Variants in LRFN2 observed in about 807,000 individuals in gnomAD.
LRFN2 encodes leucine-rich repeat and fibronectin type-III domain-containing protein 2.
LRFN2 carries 18 observed loss-of-function variants against 37.3 expected under a neutral mutation model. That is an observed-to-expected ratio of 0.48 (90% CI 0.33 to 0.72). The LOEUF (loss-of-function observed/expected upper bound fraction) is 0.72. Among genes scored for constraint, LRFN2 ranks in the 30% least tolerant of loss-of-function variants. LRFN2 has a pLI of 0.02. For missense variants in LRFN2, 1,006 were observed against 1,060.7 expected, an observed-to-expected ratio of 0.95 and a Z score of 0.72; for synonymous variants, 556 against 466.6, an observed-to-expected ratio of 1.19 and a Z score of -2.47.
intron 2 of LRFN2, among the ~76,000 whole-genome samples, chr6:40,425,803 T>C (rs567864060): frequency 8.5e-5 from 13 of 152,360 alleles, no homozygotes; most frequent in Admixed American, 6.5e-4. Context: ...GCCAGGACTG[T>C]TAAATAATGA....
At position 40,431,825 on chromosome 6, in the gene LRFN2, T is replaced by G; in HGVS notation, c.1289A>C (p.Glu430Ala). Residue 430 changes from glutamate to alanine, a missense_variant, in exon 2 of 3, where the codon GAA becomes GCA. Physicochemically the swap from Glu to Ala is moderately radical, Grantham distance 107. This residue lies in a region of LRFN2 where 120 missense variants were observed against 178.4 expected (regional missense o/e 0.67). Transcript: ENST00000338305. ...GACCAGGGCCGAGGTGGTGGTCACT[T>G]CAGACACAAGCACAGCCCGTTCCGG... ...SPPERAVLVSEVTTTSALVKW... is the reference protein window; with the variant it reads ...SPPERAVLVSAVTTTSALVKW... 1 of 1,567,832 alleles carries G rather than the reference T, an allele frequency of 6.4e-7. No individual in the cohort carries two copies. Among genetic ancestry groups the G allele is most frequent in the South Asian group, 1.2e-5 (1 of 82,096 alleles).
intron 1 of LRFN2, among the ~76,000 whole-genome samples, chr6:40,550,462 G>C (rs1766754487): frequency 1.3e-5 from 2 of 152,206 alleles, no homozygotes; most frequent in South Asian, 4.2e-4. Context: ...ATCCAGTAGG[G>C]GGCATCCGTC....
chr6:40,469,387 C>CT (rs60853877), intron 1 of LRFN2, among the ~76,000 whole-genome samples: 24,597 of 152,040 alleles, frequency 0.16, 3,429 homozygotes, highest in African/African-American at 0.38. Context: ...TCCCAGAAAG[C>CT]GATCCAACCA....
intron 1 of LRFN2, among the ~76,000 whole-genome samples, chr6:40,450,169 C>T (rs1764072062): frequency 6.6e-6 from 1 of 152,162 alleles, no homozygotes; most frequent in Admixed American, 6.5e-5. Context: ...CCTCACCGGC[C>T]TCCTTACCCC....
At chr6:40,399,901 T>A (rs1028235846) in intron 2 of LRFN2, among the ~76,000 whole-genome samples, 1 of 151,898 alleles carries the variant, frequency 6.6e-6, no homozygotes, top group Non-Finnish European at 1.5e-5. Context: ...CAGCAGCACA[T>A]CTTGGCTGTA....
chr6:40,462,515 G>A (rs766445955), intron 1 of LRFN2, among the ~76,000 whole-genome samples: 66 of 151,878 alleles, frequency 4.3e-4, no homozygotes, highest in Middle Eastern at 3.4e-3. Context: ...TCACTCTTTC[G>A]CTCCCTCATT....
At chr6:40,494,837 A>G (rs1358273740) in intron 1 of LRFN2, among the ~76,000 whole-genome samples, 2 of 152,118 alleles carry the variant, frequency 1.3e-5, no homozygotes, top group African/African-American at 2.4e-5. Context: ...CATCTTGTTC[A>G]CTGTTGATGA....
At chr6:40,565,290 G>A (rs956927654) in intron 1 of LRFN2, among the ~76,000 whole-genome samples, 8 of 152,160 alleles carry the variant, frequency 5.3e-5, no homozygotes, top group South Asian at 4.2e-4. Flanking sequence ...AATCAATATC[G>A]TGAAAATGGC....
At chr6:40,435,040 TATATATATATATAGAGAG>T (rs1361694654) in intron 1 of LRFN2, among the ~76,000 whole-genome samples, 32 of 93,708 alleles carry the variant, frequency 3.4e-4, no homozygotes, top group East Asian at 1.9e-3. Context: ...TATATATATA[TATATATATATATAGAGAG>T]AGAGAGAGAG....
At chr6:40,499,023 C>T (rs1026375922) in intron 1 of LRFN2, among the ~76,000 whole-genome samples, 1 of 152,188 alleles carries the variant, frequency 6.6e-6, no homozygotes, top group Non-Finnish European at 1.5e-5. Context: ...CACTTATACA[C>T]ACGATTTCAA....
intron 1 of LRFN2, among the ~76,000 whole-genome samples, chr6:40,505,454 C>G (rs1025928604): frequency 1.3e-5 from 2 of 152,132 alleles, no homozygotes; most frequent in African/African-American, 4.8e-5. Flanking sequence ...TCTAAAAGTC[C>G]GCAAATAACC....
intron 1 of LRFN2, among the ~76,000 whole-genome samples, chr6:40,439,053 C>T (rs1763766010): frequency 1.3e-5 from 2 of 152,154 alleles, no homozygotes; most frequent in Non-Finnish European, 2.9e-5. Context: ...CAGGGGCTTC[C>T]TCCCCTCACT....
intron 1 of LRFN2, among the ~76,000 whole-genome samples, chr6:40,535,248 A>C (rs1766426309): frequency 6.6e-6 from 1 of 152,188 alleles, no homozygotes. Context: ...ATGAAAGGGA[A>C]TGCCCTTTGG....
intron 1 of LRFN2, among the ~76,000 whole-genome samples, chr6:40,534,122 G>A (rs781716788): frequency 1.2e-4 from 18 of 152,258 alleles, no homozygotes; most frequent in East Asian, 7.7e-4. Context: ...CAGTCTGAAC[G>A]GCAGAGCCTG....
Position 40,449,614 on chromosome 6 carries a change from A to G in LRFN2, c.-18-16483T>C, listed in dbSNP as rs144805747. ...AGGTTTGAGAATGCAAAACAATAAG[A>G]TGGAAGGAACCTGGGTATCTGGTGA... On this transcript the variant is annotated intron_variant, in intron 1 of 2. Transcript: ENST00000338305. Among the ~76,000 whole-genome samples, 181 of 152,306 alleles carry G rather than the reference A, an allele frequency of 1.2e-3. 1 individual carries two copies. The highest frequency in any genetic ancestry group is 4.1e-3 in the African/African-American group (170 of 41,574).
Position 40,413,970 on chromosome 6 carries a change from T to C in LRFN2, c.1400+17744A>G, listed in dbSNP as rs1305721739. Among the ~76,000 whole-genome samples the C allele has an allele frequency of 2.0e-5, 3 of 152,202 alleles. No homozygotes were observed. The East Asian group carries it at 5.8e-4, about 29-fold the overall frequency. Reference sequence around the variant, plus strand: ...AGGAAGGGGACAGGGTTGAAGGAAATGGGCTCACTGGCCTCTATTTTGAAG... The same window carrying C: ...AGGAAGGGGACAGGGTTGAAGGAAACGGGCTCACTGGCCTCTATTTTGAAG... On this transcript the variant is annotated intron_variant, in intron 2 of 2. Coordinates refer to ENST00000338305, the MANE Select transcript of LRFN2 (RefSeq NM_020737.3).
At chr6:40,516,427 G>C (rs920577628) in intron 1 of LRFN2, 3 of 152,200 alleles carry the variant, frequency 2.0e-5, no homozygotes, top group African/African-American at 7.2e-5. Context: ...CATCCACAAG[G>C]AAACAGGAAT....
chr6:40,557,085 G>A (rs946571815), intron 1 of LRFN2, among the ~76,000 whole-genome samples: 1 of 152,114 alleles, frequency 6.6e-6, no homozygotes, highest in Admixed American at 6.5e-5. Flanking sequence ...CAGCCTCTCT[G>A]CCACAATGCA....
At chr6:40,418,326 C>T (rs1234503711) in intron 2 of LRFN2, among the ~76,000 whole-genome samples, 2 of 152,178 alleles carry the variant, frequency 1.3e-5, no homozygotes, top group Non-Finnish European at 2.9e-5. Flanking sequence ...CCTCTGGTCT[C>T]GGTCTCGTTA....
Sources: gnomAD v4.1 joint callset for allele counts (sites outside exome capture counted in the v4.1 genomes callset) on GRCh38, gnomAD v4.1.1 for gene constraint, gnomAD v4.1.1 regional missense constraint, MANE v1.5 for transcripts, NCBI Gene and HGNC (gene_info 2026-07-23, HGNC 2026-07-21) for gene names.